The following MORC2 variants were observed in gnomAD, a reference collection of about 807,000 sequenced individuals.
MORC2 encodes ATPase MORC2.
MORC2 carries 30 observed loss-of-function variants against 136.0 expected under a neutral mutation model. That is an observed-to-expected ratio of 0.22 (90% CI 0.17 to 0.30). The LOEUF is 0.30. Among genes scored for constraint, MORC2 ranks in the 10% least tolerant of loss-of-function variants. The pLI is 1.00. For missense variants in MORC2, 922 were observed against 1,333.1 expected (o/e 0.69, Z 4.80); for synonymous variants, 439 against 487.0 (o/e 0.90, Z 1.30).
At chr22:30,952,282 C>T (rs777662414) in intron 3 of MORC2, among the ~76,000 whole-genome samples, 33 of 152,246 alleles carry the variant, frequency 2.2e-4, no homozygotes, top group Non-Finnish European at 3.5e-4. Context: ...ACACTACAGC[C>T]GCAAAATGTG....
At chr22:30,955,080 T>TC (rs2040947252) in intron 3 of MORC2, among the ~76,000 whole-genome samples, 1 of 149,982 alleles carries the variant, frequency 6.7e-6, no homozygotes. Flanking sequence ...TGCTTCAGCC[T>TC]CCCGAGTAGC....
chr22:30,932,416 G>T lies in MORC2; in HGVS notation c.2784C>A (p.Pro928=). 1 of 1,614,116 alleles carries T rather than the reference G, an allele frequency of 6.2e-7. No homozygotes were observed. Among genetic ancestry groups the T allele is most frequent in the Non-Finnish European group, 8.5e-7 (1 of 1,179,962 alleles). The change falls in exon 24 of 26, where the codon CCC becomes CCA. Residue 928 remains proline (P), a synonymous_variant. Coordinates refer to ENST00000397641, the MANE Select transcript of MORC2 (RefSeq NM_001303256.3). This position sits in a 1 kb window ranked among gnomAD's most constrained non-coding sequence, Gnocchi z 4.4. ...TAGCACTCAGCTGCTTCTTGGAGAT[G>T]GGGAAACTTGGAGGCAGGAAGTACC... The part of the protein sequence containing the change: ...CLRYFLPPSF[P]ISKKQLSAMN...
Position 30,960,287 on chromosome 22 carries a change from T to A in MORC2, c.69-1593A>T, listed in dbSNP as rs570606240. Among the ~76,000 whole-genome samples the A allele has an allele frequency of 1.1e-4, 17 of 152,210 alleles. No homozygotes were observed. The East Asian group carries it at 3.3e-3, about 29-fold the overall frequency. ...CGGCCTACAAATGCAAATTTTGAAT[T>A]AAACTATCACTTGGTGGAATTATAG... On this transcript the variant is annotated intron_variant, in intron 1 of 25. Coordinates refer to ENST00000397641, the MANE Select transcript of MORC2 (RefSeq NM_001303256.3).
chr22:30,933,970 G>T, intron 20 of MORC2, 90 bp downstream of exon 20: 1 of 1,533,200 alleles, frequency 6.5e-7, no homozygotes, highest in Non-Finnish European at 8.9e-7. Context: ...CTGGTGGATG[G>T]TATAGACTGC....
At chr22:30,966,719 A>C (rs1469698524) in intron 1 of MORC2, among the ~76,000 whole-genome samples, 1 of 152,170 alleles carries the variant, frequency 6.6e-6, no homozygotes, top group African/African-American at 2.4e-5. Context: ...TGAAGGTTGC[A>C]GTGAGCCAAG....
At chr22:30,950,353 C>CCCAACA in intron 4 of MORC2, 24 bp downstream of exon 4, 4 of 1,481,950 alleles carry the variant, frequency 2.7e-6, no homozygotes, top group African/African-American at 1.4e-5. Context: ...CCCCACCCCC[C>CCCAACA]AAAACAATAA....
Position 30,936,918 on chromosome 22 carries a change from G to GATCT in MORC2, c.1604+13_1604+14insAGAT. 6.2e-7 allele frequency: 1 copy of GATCT among 1,606,868 alleles called. No homozygotes were observed. ...AAAAGTACCCACAATCCCCTTGTTA[G>GATCT]ACAATGTGCTCACCGGTCCTGTTCA... On this transcript the variant is annotated intron_variant, in intron 16 of 25. Transcript: ENST00000397641.
chr22:30,940,016 C>T lies in MORC2; in HGVS notation c.930G>A (p.Glu310=). 1 of 1,613,916 alleles carries T rather than the reference C, an allele frequency of 6.2e-7. No homozygotes were observed. Among genetic ancestry groups the T allele is most frequent in the Non-Finnish European group, 8.5e-7 (1 of 1,180,050 alleles). ...GTACTTCTAATGTCCGAGCTTTGCT[C>T]TCTGCCTCCCGCGCCTTCTCTTCAG... ...RIAEEKAREA[E]SKARTLEVRL... is the part of the protein sequence containing the mutation. The change falls in exon 11 of 26, where the codon GAG becomes GAA. Residue 310 remains glutamate, a synonymous_variant. Transcript: ENST00000397641.
chr22:30,931,700 C>G (rs1239949173), intron 24 of MORC2, among the ~76,000 whole-genome samples: 1 of 152,236 alleles, frequency 6.6e-6, no homozygotes, highest in African/African-American at 2.4e-5. Flanking sequence ...CAGTTGCTCT[C>G]TCTGCCCCCC....
At chr22:30,944,470 C>T (rs1323773568) in intron 6 of MORC2, among the ~76,000 whole-genome samples, 1 of 152,138 alleles carries the variant, frequency 6.6e-6, no homozygotes, top group African/African-American at 2.4e-5. Context: ...GCCCCCTTCT[C>T]CTCTCCCCGA....
At position 30,934,724 on chromosome 22, in the gene MORC2, T is replaced by C. The variant is rs892971059; in HGVS notation, c.2193+57A>G. On this transcript the variant is annotated intron_variant, in intron 19 of 25. Coordinates refer to ENST00000397641, the MANE Select transcript of MORC2 (RefSeq NM_001303256.3). The surrounding 1 kb of genome is among the most constrained non-coding windows in gnomAD (Gnocchi z 4.4). ...CCAGTACAGCTGTGACACTGCACAATTCCATTCCTACACTACTGACACTGG... is the reference window on the plus strand; with the variant it reads ...CCAGTACAGCTGTGACACTGCACAACTCCATTCCTACACTACTGACACTGG... 2 of 1,585,684 alleles carry C rather than the reference T, an allele frequency of 1.3e-6. No individual in the cohort carries two copies. Among genetic ancestry groups the C allele is most frequent in the Non-Finnish European group, 1.7e-6 (2 of 1,162,384 alleles).
At position 30,941,579 on chromosome 22, in the gene MORC2, G is replaced by A. The variant is rs766467171; in HGVS notation, c.699-21C>T. ...GCTTCCTGGAGAGGGCAAAAACAGA[G>A]AAGTGCTGTCACCTGCTCCACAACA... On this transcript the variant is annotated intron_variant, in intron 8 of 25. Coordinates refer to ENST00000397641, the MANE Select transcript of MORC2 (RefSeq NM_001303256.3). The surrounding 1 kb of genome is among the most constrained non-coding windows in gnomAD (Gnocchi z 4.6). 1 of 1,608,114 alleles carries A rather than the reference G, an allele frequency of 6.2e-7. No homozygotes were observed. The highest frequency in any genetic ancestry group is 1.3e-5 in the African/African-American group (1 of 74,822).
intron 1 of MORC2, among the ~76,000 whole-genome samples, chr22:30,960,133 A>G (rs932214248): frequency 6.6e-6 from 1 of 152,040 alleles, no homozygotes; most frequent in Non-Finnish European, 1.5e-5. Context: ...ACACCCGGCT[A>G]ATTTTGTATT....
rs534128281 is a variant in MORC2 at position 30,933,924 on chromosome 22, T to TGG, written c.2325+134_2325+135dup. ...AAACAGAGTTGGTGCAGACTGCTGG[T>TGG]GGGGGGGGTAGACTGCTGGTGGGTT... is the stretch of plus-strand genomic sequence containing the variant. On this transcript the variant is annotated intron_variant, in intron 20 of 25. Coordinates refer to ENST00000397641, the MANE Select transcript of MORC2 (RefSeq NM_001303256.3). 286 of 979,354 alleles carry TGG rather than the reference T, an allele frequency of 2.9e-4. No individual in the cohort carries two copies. The African/African-American group carries it at 4.5e-3, about 15-fold the overall frequency. The allele number at this position is 979,354 out of a possible 1,614,324, so 60.7% of individuals were successfully genotyped here. A position where few individuals can be genotyped will look rare whatever the true frequency, so the allele number is the denominator to read the frequency against.
intron 1 of MORC2, among the ~76,000 whole-genome samples, chr22:30,961,475 AT>A (rs1453183936): frequency 6.6e-6 from 1 of 152,230 alleles, no homozygotes; most frequent in Admixed American, 6.5e-5. Flanking sequence ...AAGTGAATTC[AT>A]TTTATATACC....
chr22:30,968,472 G>C lies in MORC2; in HGVS notation c.-583C>G, dbSNP rs140881012. On this transcript the variant is annotated 5_prime_UTR_variant, in exon 1 of 26. Transcript: ENST00000397641. ...GCTTCACCACCTCCCAAGTGAAAAAGCTCCTAGGCACTCACGATTTCTTTT... is the reference window on the plus strand; with the variant it reads ...GCTTCACCACCTCCCAAGTGAAAAACCTCCTAGGCACTCACGATTTCTTTT... 1.3e-4 allele frequency among the ~76,000 whole-genome samples: 20 copies of C among 152,152 alleles called. No homozygotes were observed. The highest frequency in any genetic ancestry group is 2.6e-4 in the Non-Finnish European group (18 of 68,022).
intron 4 of MORC2, 59 bp from the exon 5 acceptor site, chr22:30,949,901 A>G: frequency 6.7e-7 from 1 of 1,498,388 alleles, no homozygotes; most frequent in Non-Finnish European, 9.3e-7. Flanking sequence ...AGGGTCCTCA[A>G]AGTCAAAGGT....
chr22:30,954,567 C>T (rs1602505273), intron 3 of MORC2, among the ~76,000 whole-genome samples: 3 of 152,200 alleles, frequency 2.0e-5, no homozygotes. Context: ...CCCCCATCTC[C>T]TCCTCTCTGG....
chr22:30,960,134 A>C (rs1463324418), intron 1 of MORC2, among the ~76,000 whole-genome samples: 8 of 152,048 alleles, frequency 5.3e-5, no homozygotes, highest in African/African-American at 1.9e-4. Flanking sequence ...CACCCGGCTA[A>C]TTTTGTATTT....
Sources: gnomAD v4.1 joint callset for allele counts (sites outside exome capture counted in the v4.1 genomes callset) on GRCh38, gnomAD v4.1.1 for gene constraint, Gnocchi (gnomAD v3.1) non-coding constraint, MANE v1.5 for transcripts, NCBI Gene and HGNC (gene_info 2026-07-23, HGNC 2026-07-21) for gene names.